The following PPFIA2 variants were observed in gnomAD, a reference collection of about 807,000 sequenced individuals.
The protein encoded by PPFIA2 is liprin-alpha-2.
A neutral mutation model predicts 175.5 loss-of-function variants in PPFIA2; 46 were observed. The observed-to-expected ratio is 0.26, with a 90% CI of 0.21 to 0.34. PPFIA2 has a LOEUF of 0.34. Ranked by LOEUF, PPFIA2 falls within the 10% of genes least tolerant of loss-of-function variation. The pLI, the probability that PPFIA2 is intolerant of heterozygous loss-of-function variation, is 1.00. For synonymous variants in PPFIA2, 568 were observed against 511.4 expected, an observed-to-expected ratio of 1.11 and a Z score of -1.49; for missense variants, 1,179 against 1,506.1, an observed-to-expected ratio of 0.78 and a Z score of 3.60.
intron 4 of PPFIA2, among the ~76,000 whole-genome samples, chr12:81,649,835 A>G (rs968350836): frequency 1.3e-5 from 2 of 152,132 alleles, no homozygotes; most frequent in Middle Eastern, 3.2e-3. Context: ...AATTGTCAAA[A>G]CTATCATGAC....
At chr12:81,450,481 G>A (rs2052333827) in intron 5 of PPFIA2, among the ~76,000 whole-genome samples, 2 of 152,030 alleles carry the variant, frequency 1.3e-5, no homozygotes, top group Non-Finnish European at 2.9e-5. Context: ...TTTTTGATAG[G>A]GTTGTTTGTT....
chr12:81,462,274 TATGTTAGAA>T lies in PPFIA2; in HGVS notation c.304-4417_304-4409del. The stretch of plus-strand genomic sequence containing the variant: ...TCTAACATATATATATATATATATA[TATGTTAGAA>T]AACATATATATATATATATGTTTTC... On this transcript the variant is annotated intron_variant, in intron 4 of 32. Transcript: ENST00000549396. Among the ~76,000 whole-genome samples, 3 of 133,402 alleles carry T rather than the reference TATGTTAGAA, an allele frequency of 2.2e-5. No homozygotes were observed. The Admixed American group carries it at 2.3e-4, about 10-fold the overall frequency. The allele number at this position is 133,402 out of a possible 152,430, so 87.5% of individuals were successfully genotyped here. A position where few individuals can be genotyped will look rare whatever the true frequency, so the allele number is the denominator to read the frequency against.
chr12:81,418,733 G>A (rs2045755028), intron 7 of PPFIA2, among the ~76,000 whole-genome samples: 2 of 151,884 alleles, frequency 1.3e-5, no homozygotes, highest in African/African-American at 4.8e-5. Context: ...AATGGATACA[G>A]TTAAAGTCAG....
chr12:81,710,590 G>A (rs1330648650), intron 3 of PPFIA2, among the ~76,000 whole-genome samples: 1 of 151,846 alleles, frequency 6.6e-6, no homozygotes, highest in African/African-American at 2.4e-5. Flanking sequence ...GTATTTTTTA[G>A]GATTTTGGAA....
chr12:81,348,415 G>T (rs558297322), intron 17 of PPFIA2, among the ~76,000 whole-genome samples: 1 of 152,178 alleles, frequency 6.6e-6, no homozygotes, highest in South Asian at 2.1e-4. Flanking sequence ...GATAGATGAT[G>T]AATACATAAA....
chr12:81,739,031 G>A (rs1422872247), intron 3 of PPFIA2, among the ~76,000 whole-genome samples: 1 of 151,758 alleles, frequency 6.6e-6, no homozygotes, highest in African/African-American at 2.4e-5. Flanking sequence ...GGCTCAACTG[G>A]CCACGAAGTT....
Position 81,676,790 on chromosome 12 carries a change from C to T in PPFIA2, c.303+1G>A. On this transcript the variant is annotated splice_donor_variant, in intron 4 of 32. Transcript: ENST00000549396. LOFTEE classifies it high-confidence loss of function. ...TAAATTTAATGAAGAATCTAACTTA[C>T]CGGTGGATCAGCCCCCTTAGAACCA... is the stretch of plus-strand genomic sequence containing the variant. 1 of 1,553,960 alleles carries T rather than the reference C, an allele frequency of 6.4e-7. No homozygotes were observed. The highest frequency in any genetic ancestry group is 8.7e-7 in the Non-Finnish European group (1 of 1,149,094).
intron 7 of PPFIA2, among the ~76,000 whole-genome samples, chr12:81,422,084 ATGTGTATATATATG>A (rs2046343496): frequency 7.1e-6 from 1 of 141,330 alleles, no homozygotes; most frequent in African/African-American, 2.8e-5. Flanking sequence ...GTGTATATAT[ATGTGTATATATATG>A]TGTGTATATA....
chr12:81,614,369 A>T (rs1461228431), intron 4 of PPFIA2, among the ~76,000 whole-genome samples: 1 of 152,208 alleles, frequency 6.6e-6, no homozygotes, highest in African/African-American at 2.4e-5. Context: ...GAAAAGAAGA[A>T]TCAGGATAAT....
At chr12:81,690,483 C>T (rs1442170690) in intron 3 of PPFIA2, among the ~76,000 whole-genome samples, 2 of 152,030 alleles carry the variant, frequency 1.3e-5, no homozygotes, top group African/African-American at 4.8e-5. Flanking sequence ...CTGTCTCACT[C>T]CTCACCCTCC....
chr12:81,583,197 C>T (rs767707978), intron 4 of PPFIA2, among the ~76,000 whole-genome samples: 4 of 151,926 alleles, frequency 2.6e-5, no homozygotes, highest in African/African-American at 4.8e-5. Context: ...CCCAAAAAGA[C>T]ATTATTTCCA....
intron 4 of PPFIA2, among the ~76,000 whole-genome samples, chr12:81,586,009 T>G (rs952163609): frequency 2.6e-5 from 4 of 151,922 alleles, no homozygotes; most frequent in Non-Finnish European, 5.9e-5. Context: ...TGATAGAAAT[T>G]TTTCAGTTGC....
rs561046606 is a variant in PPFIA2 at position 81,343,964 on chromosome 12, T to G, written c.2262+700A>C. ...AACTCACAGCCCATACTCTAAATCA[T>G]CTTCTCCATCTGGCTCTTACTCTCC... On this transcript the variant is annotated intron_variant, in intron 19 of 32. Transcript: ENST00000549396. 7.1e-4 allele frequency among the ~76,000 whole-genome samples: 108 copies of G among 152,202 alleles called. 2 individuals carry two copies. Among genetic ancestry groups the G allele is most frequent in the African/African-American group, 2.6e-3 (108 of 41,544 alleles).
chr12:81,480,348 T>A (rs546592098), intron 4 of PPFIA2, among the ~76,000 whole-genome samples: 121 of 152,132 alleles, frequency 8.0e-4, no homozygotes, highest in African/African-American at 2.5e-3. Flanking sequence ...TTGTATGGGG[T>A]TGGAACATGA....
chr12:81,651,567 T>G (rs2067025713), intron 4 of PPFIA2, among the ~76,000 whole-genome samples: 1 of 152,176 alleles, frequency 6.6e-6, no homozygotes, highest in African/African-American at 2.4e-5. Flanking sequence ...GCTTCTGATG[T>G]AATGATTCAA....
At chr12:81,322,608 C>T (rs1416261833) in intron 22 of PPFIA2, among the ~76,000 whole-genome samples, 1 of 152,104 alleles carries the variant, frequency 6.6e-6, no homozygotes, top group Non-Finnish European at 1.5e-5. Context: ...GTTAACTATA[C>T]TCTACATAAA....
intron 4 of PPFIA2, among the ~76,000 whole-genome samples, chr12:81,641,256 A>G (rs2064933559): frequency 6.6e-6 from 1 of 152,204 alleles, no homozygotes; most frequent in African/African-American, 2.4e-5. Flanking sequence ...TCACCTAGTT[A>G]AAATAATTTA....
At chr12:81,511,069 A>C (rs1196421821) in intron 4 of PPFIA2, among the ~76,000 whole-genome samples, 1 of 152,144 alleles carries the variant, frequency 6.6e-6, no homozygotes, top group Non-Finnish European at 1.5e-5. Flanking sequence ...ATGTTCAATA[A>C]GATTTTCATT....
At chr12:81,354,142 G>C (rs1287886877) in intron 16 of PPFIA2, among the ~76,000 whole-genome samples, 2 of 152,170 alleles carry the variant, frequency 1.3e-5, no homozygotes, top group Non-Finnish European at 2.9e-5. Flanking sequence ...TAAGGGTAAT[G>C]GTTACTGAAG....
Sources: gnomAD v4.1 joint callset for allele counts (sites outside exome capture counted in the v4.1 genomes callset) on GRCh38, gnomAD v4.1.1 for gene constraint, MANE v1.5 for transcripts, NCBI Gene and HGNC (gene_info 2026-07-23, HGNC 2026-07-21) for gene names.